Variants in CACNA1D observed in about 807,000 individuals in gnomAD.
CACNA1D encodes voltage-dependent L-type calcium channel subunit alpha-1D.
In CACNA1D, 55 loss-of-function variants were observed where a neutral mutation model predicts 257.1. That is an observed-to-expected ratio of 0.21 (90% CI 0.17 to 0.27). The LOEUF is 0.27. CACNA1D is among the 10% of genes least tolerant of loss of function. The pLI is 1.00. For missense variants in CACNA1D, 1,876 were observed against 2,784.0 expected (o/e 0.67, Z 7.34); for synonymous variants, 980 against 1,014.9 (o/e 0.97, Z 0.65).
In CACNA1D at chr3:53,499,609, G is replaced by A. The variant is rs141299142; in HGVS notation, c.378-2006G>A. Among the ~76,000 whole-genome samples, 388 of 152,146 alleles carry A rather than the reference G, an allele frequency of 2.6e-3. 3 individuals carry two copies. The highest frequency in any genetic ancestry group is 8.6e-3 in the African/African-American group (358 of 41,486). On this transcript the variant is annotated intron_variant, in intron 2 of 47. Transcript: ENST00000350061. ...GTGAGATGGTATCCACTTGTACCTG[G>A]AGACCAAAACTGGACCAACATAAAG...
chr3:53,565,579 A>G (rs1226805838), intron 3 of CACNA1D, among the ~76,000 whole-genome samples: 1 of 152,236 alleles, frequency 6.6e-6, no homozygotes, highest in Non-Finnish European at 1.5e-5. Flanking sequence ...CTGGTAGATT[A>G]CTAGTGTCTT....
chr3:53,754,554 C>T (rs889210212), intron 29 of CACNA1D, among the ~76,000 whole-genome samples: 1 of 152,234 alleles, frequency 6.6e-6, no homozygotes, highest in Admixed American at 6.5e-5. Flanking sequence ...TGGCATGTAG[C>T]GCCACGCTGC....
rs548326759 is a variant in CACNA1D at position 53,774,630 on chromosome 3, G to A, written c.4154G>A (p.Arg1385Lys). 1.9e-6 allele frequency: 3 copies of A among 1,613,062 alleles called. No homozygotes were observed. In the South Asian group the frequency reaches 3.3e-5, roughly 18 times the overall value. The change falls in exon 34 of 48, where the codon AGG becomes AAG. Residue 1385 changes from arginine to lysine, a missense_variant. Around this residue, in one of 10 missense-constraint regions of CACNA1D, gnomAD observed 204 missense variants for 309.4 expected, o/e 0.66. Transcript: ENST00000350061. This position sits in a 1 kb window ranked among gnomAD's most constrained non-coding sequence, Gnocchi z 4.3. The part of the protein sequence containing the change: ...VAMRDNNQIN[R>K]NNNFQTFPQA... ...ATGAGAGATAACAACCAGATCAATA[G>A]GAACAATAACTTCCAGACGTTTCCC... is the stretch of plus-strand genomic sequence containing the variant.
In CACNA1D at chr3:53,650,657, CTTTG is replaced by C. The variant is rs1274373007; in HGVS notation, c.484-117_484-114del. The C allele has an allele frequency of 1.0e-4, 107 of 1,043,514 alleles. No homozygotes were observed. The East Asian group carries it at 2.5e-3, about 24-fold the overall frequency. 64.6% of individuals were successfully genotyped at this position (1,043,514 alleles called of 1,614,324 possible). ...AATTGTTCCATTTCTCATAATGAAA[CTTTG>C]TTTGGAGGGAAATGCTTATATGTCT... is the stretch of plus-strand genomic sequence containing the variant. On this transcript the variant is annotated intron_variant, in intron 3 of 47. Transcript: ENST00000350061.
intron 8 of CACNA1D, among the ~76,000 whole-genome samples, chr3:53,688,914 G>A (rs1174521111): frequency 2.0e-5 from 3 of 152,172 alleles, no homozygotes; most frequent in African/African-American, 4.8e-5. Flanking sequence ...GCTGAGAGGT[G>A]TACTGTCCCC....
chr3:53,630,584 C>T (rs2093811205), intron 3 of CACNA1D, among the ~76,000 whole-genome samples: 1 of 152,274 alleles, frequency 6.6e-6, no homozygotes. Flanking sequence ...GGAACAAAAA[C>T]GTGTAAGCTC....
chr3:53,572,362 G>GTTTATTTATTTA (rs1451533456), intron 3 of CACNA1D, among the ~76,000 whole-genome samples: 23 of 45,550 alleles, frequency 5.0e-4, no homozygotes, highest in Non-Finnish European at 9.8e-4. Flanking sequence ...CCTCTGGTTT[G>GTTTATTTATTTA]TTTGTTTGTT....
intron 3 of CACNA1D, among the ~76,000 whole-genome samples, chr3:53,525,999 A>G (rs1370659127): frequency 6.6e-6 from 1 of 151,976 alleles, no homozygotes; most frequent in Non-Finnish European, 1.5e-5. Flanking sequence ...CTCAGACACG[A>G]CCTCCCCTTG....
intron 39 of CACNA1D, among the ~76,000 whole-genome samples, chr3:53,784,277 C>G (rs1352580733): frequency 2.0e-5 from 3 of 152,200 alleles, no homozygotes; most frequent in Admixed American, 1.3e-4. Context: ...TCTCTCCTCC[C>G]CAGGACTCTC....
chr3:53,497,508 C>T (rs755003019), intron 2 of CACNA1D, 47 bp downstream of exon 2: 4 of 1,585,384 alleles, frequency 2.5e-6, no homozygotes, highest in South Asian at 2.2e-5. Context: ...CTTTTACCAT[C>T]TGTTTTTTAA....
intron 9 of CACNA1D, among the ~76,000 whole-genome samples, chr3:53,713,502 A>ATATGTGTG (rs1553643651): frequency 2.3e-5 from 3 of 129,374 alleles, no homozygotes; most frequent in Non-Finnish European, 4.9e-5. Flanking sequence ...CTCTGTGTGT[A>ATATGTGTG]TGTGTGTGTG....
chr3:53,782,549 C>CCCAGG (rs1317471148), intron 39 of CACNA1D: 1 of 152,106 alleles, frequency 6.6e-6, no homozygotes, highest in Non-Finnish European at 1.5e-5. Flanking sequence ...GACTTCAGGA[C>CCCAGG]CCAGGCCAGG....
intron 5 of CACNA1D, among the ~76,000 whole-genome samples, chr3:53,662,677 T>C (rs957114388): frequency 1.3e-5 from 2 of 152,222 alleles, no homozygotes; most frequent in African/African-American, 4.8e-5. Context: ...CCTCCTTGAC[T>C]AGAGTCCCAT....
At chr3:53,540,211 C>T (rs1220482365) in intron 3 of CACNA1D, among the ~76,000 whole-genome samples, 1 of 152,000 alleles carries the variant, frequency 6.6e-6, no homozygotes, top group Admixed American at 6.6e-5. Flanking sequence ...CTCTACCTCC[C>T]AGGTTCAAGC....
chr3:53,723,530 A>G lies in CACNA1D; in HGVS notation c.1763A>G (p.Asn588Ser). 6.2e-7 allele frequency: 1 copy of G among 1,613,860 alleles called. No homozygotes were observed. Among genetic ancestry groups the G allele is most frequent in the Non-Finnish European group, 8.5e-7 (1 of 1,179,976 alleles). The change falls in exon 13 of 48, where the codon AAC (asparagine) becomes AGC (serine). Residue 588 changes from asparagine (N) to serine (S), a missense_variant. By Grantham distance (46) the Asn-to-Ser change is conservative (BLOSUM62 1). Around this residue, in one of 10 missense-constraint regions of CACNA1D, gnomAD observed 257 missense variants for 399.7 expected, o/e 0.64. Coordinates refer to ENST00000350061, the MANE Select transcript of CACNA1D (RefSeq NM_001128840.3). The surrounding 1 kb of genome is among the most constrained non-coding windows in gnomAD (Gnocchi z 5.6). The stretch of plus-strand genomic sequence containing the variant: ...CAAGCATATTTCGTCTCTCTTTTCA[A>G]CCGGTTTGATTGCTTCGTGGTGTGT... ...GLQAYFVSLF[N>S]RFDCFVVCGG...
chr3:53,579,434 A>T (rs1202847967), intron 3 of CACNA1D, among the ~76,000 whole-genome samples: 1 of 152,218 alleles, frequency 6.6e-6, no homozygotes. Flanking sequence ...AGGGCACCCC[A>T]GTTAAAGATG....
intron 3 of CACNA1D, among the ~76,000 whole-genome samples, chr3:53,554,450 T>A (rs2092600896): frequency 6.6e-6 from 1 of 152,236 alleles, no homozygotes; most frequent in Non-Finnish European, 1.5e-5. Context: ...CAGGCCTTTC[T>A]GCCAAACTCA....
chr3:53,708,335 G>C (rs1203688261), intron 9 of CACNA1D, among the ~76,000 whole-genome samples: 1 of 152,248 alleles, frequency 6.6e-6, no homozygotes, highest in East Asian at 1.9e-4. Flanking sequence ...GCAGCAGTTA[G>C]AGTGGCATAC....
At chr3:53,581,195 T>A (rs1348326421) in intron 3 of CACNA1D, among the ~76,000 whole-genome samples, 1 of 152,234 alleles carries the variant, frequency 6.6e-6, no homozygotes, top group Admixed American at 6.5e-5. Flanking sequence ...TTGTCACCGA[T>A]ATATGCTCGG....
Sources: gnomAD v4.1 joint callset for allele counts (sites outside exome capture counted in the v4.1 genomes callset) on GRCh38, gnomAD v4.1.1 for gene constraint, gnomAD v4.1.1 regional missense constraint, Gnocchi (gnomAD v3.1) non-coding constraint, MANE v1.5 for transcripts, NCBI Gene and HGNC (gene_info 2026-07-23, HGNC 2026-07-21) for gene names.